Variants in EAF2 observed in about 807,000 individuals in gnomAD.
EAF2 encodes the protein ELL-associated factor 2.
A neutral mutation model predicts 29.4 loss-of-function variants in EAF2; 29 were observed. The ratio of observed to expected loss-of-function variants is 0.99; its 90% CI spans 0.73 to 1.35. The LOEUF (loss-of-function observed/expected upper bound fraction) is 1.35. Among genes scored for constraint, EAF2 ranks in the 40% most tolerant of loss-of-function variants. The probability of loss-of-function intolerance (pLI) is 0.00; values close to 1 mark genes in which losing one functional copy is unlikely to be tolerated. For missense variants in EAF2, 292 were observed against 312.0 expected (o/e 0.94, Z 0.48); for synonymous variants, 103 against 102.5 (o/e 1.00, Z -0.03).
intron 4 of EAF2, among the ~76,000 whole-genome samples, chr3:121,871,212 T>C (rs908625527): frequency 6.6e-6 from 1 of 151,604 alleles, no homozygotes; most frequent in African/African-American, 2.4e-5. Context: ...TAGAGAAGAA[T>C]AGGCTACAGA....
rs186176702 is a variant in EAF2, at chr3:121,848,923, C to G, written c.201+4376C>G. On this transcript the variant is annotated intron_variant, in intron 2 of 5. Transcript: ENST00000273668. ...AAGAGAATGAAAGAGTTATTTAGAT[C>G]ACCATCTGTCAAAAGCAAATATTGT... Among the ~76,000 whole-genome samples, 3 of 152,040 alleles carry G rather than the reference C, an allele frequency of 2.0e-5. No homozygotes were observed. In the East Asian group the frequency reaches 5.8e-4, roughly 29 times the overall value.
Position 121,854,707 on chromosome 3 carries a change from T to C in EAF2, c.222T>C (p.Thr74=). The stretch of plus-strand genomic sequence containing the variant: ...AACAGGGTTCAACTCCACCAGTAAC[T>C]GTTTTCAAAGGTTCAAAAAAACCTT... The part of the protein sequence containing the change: ...PNIEGSTPPV[T]VFKGSKKPYL... The change falls in exon 3 of 6, where the codon ACT becomes ACC. Residue 74 remains threonine, a synonymous_variant. Transcript: ENST00000273668. 6.4e-7 allele frequency: 1 copy of C among 1,555,454 alleles called. No individual in the cohort carries two copies. The highest frequency in any genetic ancestry group is 8.6e-7 in the Non-Finnish European group (1 of 1,163,372).
Position 121,886,474 on chromosome 3 carries a change from A to G in EAF2, c.*86A>G, listed in dbSNP as rs1055203521. The G allele has an allele frequency of 3.6e-5, 25 of 697,766 alleles. No homozygotes were observed. The highest frequency in any genetic ancestry group is 4.7e-5 in the Non-Finnish European group (22 of 467,432). 43.2% of individuals were successfully genotyped at this position (697,766 alleles called of 1,614,324 possible). On this transcript the variant is annotated 3_prime_UTR_variant, in exon 6 of 6. Transcript: ENST00000273668. ...ATAAAAATTCCTAAGACTGAGGGAA[A>G]TATGTCTTAACTTTTGATGATAAAA...
Position 121,872,452 on chromosome 3 carries a change from C to A in EAF2, c.485-85C>A. The A allele has an allele frequency of 4.5e-6, 5 of 1,106,754 alleles. No homozygotes were observed. In the South Asian group the frequency reaches 7.4e-5, roughly 16 times the overall value. The allele number at this position is 1,106,754 out of a possible 1,614,324, so 68.6% of individuals were successfully genotyped here. ...TGTTTGATTTTAGTTTCAACAGTTT[C>A]TTAAAAACTAATACATTCAATTTTT... On this transcript the variant is annotated intron_variant, in intron 4 of 5. Transcript: ENST00000273668.
At chr3:121,873,889 G>A (rs188414881) in intron 5 of EAF2, among the ~76,000 whole-genome samples, 102 of 151,808 alleles carry the variant, frequency 6.7e-4, no homozygotes, top group Non-Finnish European at 7.4e-5. Flanking sequence ...TTCACCACAA[G>A]CTCCTATCTT....
In EAF2 at chr3:121,844,525, C is replaced by T. The variant is rs750717676; in HGVS notation, c.179C>T (p.Thr60Ile). ...YLEVGEGEQV[T>I]ITLPNIEGST... ...GAGGTTGGTGAAGGTGAACAGGTGA[C>T]CATAACTCTGCCAAATATAGAAGTG... The change falls in exon 2 of 6, where the codon ACC (threonine) becomes ATC (isoleucine). Residue 60 changes from threonine (T) to isoleucine (I), a missense_variant. Coordinates refer to ENST00000273668, the MANE Select transcript of EAF2 (RefSeq NM_018456.6). 6.2e-6 allele frequency: 10 copies of T among 1,607,894 alleles called. No homozygotes were observed. The East Asian group carries it at 2.2e-4, about 36-fold the overall frequency.
chr3:121,870,079 C>A (rs1708985953), intron 4 of EAF2, among the ~76,000 whole-genome samples: 1 of 151,942 alleles, frequency 6.6e-6, no homozygotes, highest in Non-Finnish European at 1.5e-5. Context: ...AATAGCCAGA[C>A]CAAGAAGTCT....
intron 4 of EAF2, among the ~76,000 whole-genome samples, chr3:121,859,706 A>G (rs1031601637): frequency 6.6e-6 from 1 of 152,138 alleles, no homozygotes; most frequent in Non-Finnish European, 1.5e-5. Context: ...CCCCAACACT[A>G]TGTTGAATAG....
At chr3:121,854,148 T>G (rs1249287617) in intron 2 of EAF2, among the ~76,000 whole-genome samples, 1 of 151,846 alleles carries the variant, frequency 6.6e-6, no homozygotes, top group Non-Finnish European at 1.5e-5. Flanking sequence ...AAACCCCGTC[T>G]CTACTAAAAA....
chr3:121,845,459 A>AAAAAAAAAAAAAAAGAAAG (rs71133578), intron 2 of EAF2, among the ~76,000 whole-genome samples: 1 of 96,612 alleles, frequency 1.0e-5, no homozygotes, highest in Non-Finnish European at 1.9e-5. Context: ...AAAAAAAAAA[A>AAAAAAAAAAAAAAAGAAAG]AAAGAAAGAA....
At chr3:121,879,622 T>TTC (rs1553729916) in intron 5 of EAF2, among the ~76,000 whole-genome samples, 1 of 150,370 alleles carries the variant, frequency 6.7e-6, no homozygotes, top group African/African-American at 2.4e-5. Flanking sequence ...CTTTCTTTCT[T>TTC]TTTTTTTTTA....
chr3:121,854,315 C>CAAAAAAAAAAAAAAAAAAAAA (rs34965578), intron 2 of EAF2, among the ~76,000 whole-genome samples: 1 of 104,400 alleles, frequency 9.6e-6, no homozygotes, highest in Non-Finnish European at 1.9e-5. Context: ...GACTCTGTCT[C>CAAAAAAAAAAAAAAAAAAAAA]AAAAAAAAAA....
chr3:121,843,378 G>C (rs918551494), intron 1 of EAF2, among the ~76,000 whole-genome samples: 1 of 152,036 alleles, frequency 6.6e-6, no homozygotes, highest in Non-Finnish European at 1.5e-5. Flanking sequence ...TTTGGATTTA[G>C]ACTTTCTGTC....
At chr3:121,876,799 C>T (rs1401977121) in intron 5 of EAF2, among the ~76,000 whole-genome samples, 1 of 151,544 alleles carries the variant, frequency 6.6e-6, no homozygotes, top group Admixed American at 6.6e-5. Flanking sequence ...AAAACTTTAT[C>T]TAGTAGAAAG....
chr3:121,845,061 CA>C (rs144235784), intron 2 of EAF2, among the ~76,000 whole-genome samples: 15,640 of 152,102 alleles, frequency 0.1, 852 homozygotes, highest in South Asian at 0.16. Context: ...GTAGAATAAG[CA>C]AACAGAACAG....
intron 4 of EAF2, among the ~76,000 whole-genome samples, chr3:121,861,927 T>C (rs997954559): frequency 6.6e-6 from 1 of 152,126 alleles, no homozygotes; most frequent in Non-Finnish European, 1.5e-5. Context: ...CCTTCACTTA[T>C]GAAGCTTAGT....
chr3:121,868,529 C>T (rs1407325858), intron 4 of EAF2, among the ~76,000 whole-genome samples: 2 of 152,018 alleles, frequency 1.3e-5, no homozygotes, highest in African/African-American at 2.4e-5. Context: ...ACTTGGGAGG[C>T]GGAGGTTGCA....
intron 2 of EAF2, among the ~76,000 whole-genome samples, chr3:121,853,467 G>A (rs1708667532): frequency 6.6e-6 from 1 of 152,050 alleles, no homozygotes; most frequent in Non-Finnish European, 1.5e-5. Context: ...TGCCCAGGTT[G>A]GAGTGCAGTG....
At chr3:121,876,844 A>G (rs942165374) in intron 5 of EAF2, among the ~76,000 whole-genome samples, 1 of 152,092 alleles carries the variant, frequency 6.6e-6, no homozygotes, top group East Asian at 1.9e-4. Context: ...TGATTGATCA[A>G]CCCAAAACAG....
Sources: gnomAD v4.1 joint callset for allele counts (sites outside exome capture counted in the v4.1 genomes callset) on GRCh38, gnomAD v4.1.1 for gene constraint, MANE v1.5 for transcripts, NCBI Gene and HGNC (gene_info 2026-07-23, HGNC 2026-07-21) for gene names.